ZNF335: variants seen among roughly 807,000 people sequenced by gnomAD.
ZNF335 encodes the protein zinc finger protein 335.
Under a neutral mutation model 145.6 loss-of-function variants are expected in ZNF335, and 84 were observed. The observed-to-expected ratio is 0.58, with a 90% CI of 0.48 to 0.69. The LOEUF is 0.69. Among genes scored for constraint, ZNF335 ranks in the 30% least tolerant of loss-of-function variants. The pLI is 0.00. For synonymous variants in ZNF335, 761 were observed against 717.0 expected (o/e 1.06, Z -0.98); for missense variants, 1,865 against 1,809.7 (o/e 1.03, Z -0.55).
intron 10 of ZNF335, chr20:45,961,370 G>A (rs2083840429): frequency 6.4e-6 from 1 of 156,944 alleles, no homozygotes. Context: ...CAGACTGGGT[G>A]ACAGAGTGAG....
rs1348161559 is a variant in ZNF335 at position 45,965,613 on chromosome 20, A to G, written c.1102+15T>C. The G allele has an allele frequency of 6.3e-7, 1 of 1,588,264 alleles. No individual in the cohort carries two copies. The highest frequency in any genetic ancestry group is 1.8e-5 in the Admixed American group (1 of 56,296). On this transcript the variant is annotated intron_variant, in intron 7 of 27. Transcript: ENST00000322927. ...TGACCCACCCACACGAGCCCCTCCC[A>G]AGACCAAGCCTCACCATCTGGGAGG...
chr20:45,971,677 A>G (rs1407610044), intron 1 of ZNF335: 21 of 985,340 alleles, frequency 2.1e-5, no homozygotes, highest in South Asian at 4.7e-5. Context: ...AGGGTGGTCA[A>G]TGGCTGGTAA....
intron 18 of ZNF335, 132 bp downstream of exon 18, chr20:45,953,557 C>T: frequency 1.6e-6 from 2 of 1,228,198 alleles, no homozygotes; most frequent in South Asian, 2.9e-5. Context: ...GAAGGGTAGA[C>T]TCCACCACTA....
chr20:45,959,850 G>A (rs1013869615), intron 14 of ZNF335, among the ~76,000 whole-genome samples: 1 of 152,236 alleles, frequency 6.6e-6, no homozygotes, highest in Non-Finnish European at 1.5e-5. Flanking sequence ...GCAGGGTCTG[G>A]AAGAGCCTCC....
chr20:45,952,624 CAGT>C lies in ZNF335; in HGVS notation c.2785_2787del (p.Thr929del), dbSNP rs1370336897. 8 of 1,613,860 alleles carry C rather than the reference CAGT, an allele frequency of 5.0e-6. No homozygotes were observed. The Admixed American group carries it at 5.0e-5, about 10-fold the overall frequency. On this transcript the variant is annotated inframe_deletion, in exon 19 of 28. Transcript: ENST00000322927. ...TCAATGTGGTGCAACTGGGTACCAT[CAGT>C]AGCCATGATGTAGTGGGTGCCAGCT...
intron 3 of ZNF335, chr20:45,968,814 C>G (rs890003140): frequency 6.2e-6 from 1 of 160,428 alleles, no homozygotes; most frequent in African/African-American, 2.4e-5. Flanking sequence ...TGCCTGTAAT[C>G]CCAATACTTT....
rs763848216 is a variant in ZNF335 at position 45,952,247 on chromosome 20, C to G, written c.3089G>C (p.Gly1030Ala). Reference sequence around the variant, plus strand: ...CTTGTGACTCTCCATCTCAGCTCGGCCAGGGAAGGCCTCGGCACAGATCTT... The same window carrying G: ...CTTGTGACTCTCCATCTCAGCTCGGGCAGGGAAGGCCTCGGCACAGATCTT... The part of the protein sequence containing the change: ...SCKICAEAFP[G>A]RAEMESHKRA... The change falls in exon 20 of 28, where the codon GGC (glycine) becomes GCC (alanine). Residue 1030 changes from glycine (G) to alanine (A), a missense_variant. Physicochemically the swap from Gly to Ala is moderately conservative, Grantham distance 60 (BLOSUM62 0). Coordinates refer to ENST00000322927, the MANE Select transcript of ZNF335 (RefSeq NM_022095.4). The G allele has an allele frequency of 6.2e-6, 10 of 1,613,218 alleles. No homozygotes were observed. The highest frequency in any genetic ancestry group is 8.5e-6 in the Non-Finnish European group (10 of 1,180,024).
intron 2 of ZNF335, 33 bp downstream of exon 2, chr20:45,971,177 G>T: frequency 6.7e-7 from 1 of 1,492,002 alleles, no homozygotes. Flanking sequence ...CGCGGTCCTT[G>T]CCTCCACCCA....
At chr20:45,960,393 G>A in intron 13 of ZNF335, 25 bp from the exon 14 acceptor site, 10 of 1,614,206 alleles carry the variant, frequency 6.2e-6, no homozygotes, top group Non-Finnish European at 8.5e-6. Flanking sequence ...AGGGAGGGAA[G>A]CTCAGTAATG....
chr20:45,963,904 G>A lies in ZNF335; in HGVS notation c.1189C>T (p.Pro397Ser). The A allele has an allele frequency of 7.5e-6, 12 of 1,590,754 alleles. No individual in the cohort carries two copies. Among genetic ancestry groups the A allele is most frequent in the Non-Finnish European group, 1.0e-5 (12 of 1,166,812 alleles). Residue 397 changes from proline (P) to serine (S), a missense_variant, in exon 8 of 28, where the codon CCA becomes TCA. By Grantham distance (74) the Pro-to-Ser change is moderately conservative. Transcript: ENST00000322927. Reference protein sequence around the residue: ...QDPEAPSSSGPGHLVAMGKVS... With the variant: ...QDPEAPSSSGSGHLVAMGKVS... Reference sequence around the variant, plus strand: ...TTGCCCATGGCCACCAGGTGTCCTGGGCCTGAGGAGCTGGGAGCCTCGGGA... The same window carrying A: ...TTGCCCATGGCCACCAGGTGTCCTGAGCCTGAGGAGCTGGGAGCCTCGGGA...
chr20:45,959,687 T>C (rs1039900467), intron 14 of ZNF335, among the ~76,000 whole-genome samples: 12 of 152,296 alleles, frequency 7.9e-5, no homozygotes, highest in Admixed American at 7.8e-4. Flanking sequence ...CTGTGGGTCA[T>C]CACAGGACTC....
rs2083819476 is a variant in ZNF335 at position 45,960,472 on chromosome 20, G to A, written c.1836C>T (p.His612=). 2 of 1,614,214 alleles carry A rather than the reference G, an allele frequency of 1.2e-6. No homozygotes were observed. Among genetic ancestry groups the A allele is most frequent in the Non-Finnish European group, 1.7e-6 (2 of 1,180,032 alleles). ...ACCTGCGGTTGGCAACAGCCTGGAT[G>A]TGCGTGAGCAGGTGCATTTTGAAGG... ...RYTFKMHLLT[H]IQAVANRRFK... Residue 612 remains histidine (H), a synonymous_variant, in exon 13 of 28, where the codon CAC becomes CAT. Transcript: ENST00000322927.
chr20:45,950,259 G>A lies in ZNF335; in HGVS notation c.3447C>T (p.Ile1149=), dbSNP rs1395945576. ...GTGTTTCGTCATCACTGTTCAGGAT[G>A]ATGGTCTGGGTTGGGGTCTGGGTAG... ...RAPTQTPTQT[I]ILNSDDETLA... The change falls in exon 22 of 28, where the codon ATC becomes ATT. Residue 1149 remains isoleucine, a synonymous_variant. Transcript: ENST00000322927. The A allele has an allele frequency of 3.2e-6, 5 of 1,551,356 alleles. No individual in the cohort carries two copies. The highest frequency in any genetic ancestry group is 4.4e-6 in the Non-Finnish European group (5 of 1,148,490).
chr20:45,954,365 C>A (rs1395850236), intron 17 of ZNF335, among the ~76,000 whole-genome samples: 1 of 152,180 alleles, frequency 6.6e-6, no homozygotes, highest in East Asian at 1.9e-4. Flanking sequence ...CTGGGGACAA[C>A]TGACAAATCA....
At chr20:45,964,754 A>C (rs766644237) in intron 7 of ZNF335, among the ~76,000 whole-genome samples, 16 of 152,144 alleles carry the variant, frequency 1.1e-4, no homozygotes, top group Non-Finnish European at 1.5e-4. Flanking sequence ...AGAATACAAT[A>C]GGCCAAGTGC....
chr20:45,959,766 A>G lies in ZNF335; in HGVS notation c.2021-333T>C, dbSNP rs6130978. On this transcript the variant is annotated intron_variant, in intron 14 of 27. Coordinates refer to ENST00000322927, the MANE Select transcript of ZNF335 (RefSeq NM_022095.4). Reference sequence around the variant, plus strand: ...TGTGCTGACCAGGGAGCTAGGCACCAAAGAAACAATGTTTGCAGTGCAGCT... The same window carrying G: ...TGTGCTGACCAGGGAGCTAGGCACCGAAGAAACAATGTTTGCAGTGCAGCT... Among the ~76,000 whole-genome samples the G allele has an allele frequency of 0.035, 5,291 of 152,230 alleles. 169 individuals carry two copies. Among genetic ancestry groups the G allele is most frequent in the African/African-American group, 0.079 (3,271 of 41,506 alleles).
chr20:45,952,251 G>A lies in ZNF335; in HGVS notation c.3085C>T (p.Pro1029Ser). 2 of 1,613,376 alleles carry A rather than the reference G, an allele frequency of 1.2e-6. No individual in the cohort carries two copies. Among genetic ancestry groups the A allele is most frequent in the South Asian group, 2.2e-5 (2 of 91,074 alleles). ...TGACTCTCCATCTCAGCTCGGCCAG[G>A]GAAGGCCTCGGCACAGATCTTGCAG... Reference protein sequence around the residue: ...FSCKICAEAFPGRAEMESHKR... With the variant: ...FSCKICAEAFSGRAEMESHKR... Residue 1029 changes from proline to serine, a missense_variant, in exon 20 of 28, where the codon CCT becomes TCT. Transcript: ENST00000322927.
In ZNF335 at chr20:45,960,521, C is replaced by A; in HGVS notation, c.1787G>T (p.Gly596Val). The A allele has an allele frequency of 1.9e-6, 3 of 1,614,146 alleles. No individual in the cohort carries two copies. Among genetic ancestry groups the A allele is most frequent in the Non-Finnish European group, 2.5e-6 (3 of 1,180,026 alleles). ...TEKPHMCDKC[G>V]KSFKKRYTFK... ...GGTGTAGCGCTTCTTAAAGGACTTT[C>A]CACACTGTGAGGGGTGGAGAGCAGT... Residue 596 changes from glycine (G) to valine (V), a missense_variant, in exon 13 of 28, where the codon GGA (glycine) becomes GTA (valine). By Grantham distance (109) the Gly-to-Val change is moderately radical (BLOSUM62 -3). Transcript: ENST00000322927.
intron 10 of ZNF335, 180 bp downstream of exon 10, chr20:45,961,890 T>C: frequency 6.7e-6 from 4 of 594,700 alleles, no homozygotes; most frequent in Non-Finnish European, 1.2e-5. Context: ...CCTGGTACTG[T>C]CCTGTTCTAA....
Sources: allele counts gnomAD v4.1 joint callset (sites outside exome capture counted in the v4.1 genomes callset), GRCh38; gene constraint gnomAD v4.1.1; transcripts MANE v1.5; gene names NCBI Gene and HGNC (gene_info 2026-07-23, HGNC 2026-07-21).